Variants in FRMD5 observed in about 807,000 individuals in gnomAD.
FRMD5 encodes FERM domain containing 5, also known as FERM domain-containing protein 5.
FRMD5 carries 20 observed loss-of-function variants against 69.0 expected under a neutral mutation model. That is an observed-to-expected ratio of 0.29 (90% CI 0.20 to 0.42). The LOEUF is 0.42. FRMD5 is among the 10% of genes least tolerant of loss of function. FRMD5 has a pLI of 1.00. For missense variants in FRMD5, 595 were observed against 708.6 expected (o/e 0.84, Z 1.82); for synonymous variants, 271 against 260.1 (o/e 1.04, Z -0.40).
intron 2 of FRMD5, among the ~76,000 whole-genome samples, chr15:43,920,758 C>T (rs1181849426): frequency 1.3e-5 from 2 of 152,216 alleles, no homozygotes; most frequent in African/African-American, 4.8e-5. Context: ...GTGCCTAGCA[C>T]AGTGTTCAAT....
chr15:44,068,741 A>G (rs950154990), intron 1 of FRMD5, among the ~76,000 whole-genome samples: 4 of 152,214 alleles, frequency 2.6e-5, no homozygotes, highest in Admixed American at 2.6e-4. Context: ...AAACAGGCAA[A>G]TTTTATGACA....
chr15:44,080,693 A>G (rs953495909), intron 1 of FRMD5, among the ~76,000 whole-genome samples: 1 of 152,144 alleles, frequency 6.6e-6, no homozygotes, highest in East Asian at 1.9e-4. Context: ...AAAGGCAATG[A>G]AACACCTCAC....
At chr15:43,905,081 G>A (rs1470455520) in intron 6 of FRMD5, among the ~76,000 whole-genome samples, 1 of 151,114 alleles carries the variant, frequency 6.6e-6, no homozygotes, top group Non-Finnish European at 1.5e-5. Flanking sequence ...CTGTCACACT[G>A]TCACAGACTA....
chr15:44,116,593 A>C (rs1181425049), intron 1 of FRMD5, among the ~76,000 whole-genome samples: 1 of 152,170 alleles, frequency 6.6e-6, no homozygotes, highest in Non-Finnish European at 1.5e-5. Context: ...AAAGGGTTAA[A>C]CAAGGAACCG....
At chr15:43,939,910 G>A (rs2089832845) in intron 1 of FRMD5, among the ~76,000 whole-genome samples, 1 of 152,192 alleles carries the variant, frequency 6.6e-6, no homozygotes, top group Non-Finnish European at 1.5e-5. Context: ...CACCAGGCGC[G>A]GTGGCTCATG....
intron 1 of FRMD5, among the ~76,000 whole-genome samples, chr15:44,162,893 G>C (rs1448934712): frequency 7.3e-6 from 1 of 137,048 alleles, no homozygotes; most frequent in East Asian, 2.2e-4. Flanking sequence ...AAAAAAACAA[G>C]GCTGGGCGCG....
At chr15:44,198,146 C>CAAT (rs564213987), upstream of FRMD5, among the ~76,000 whole-genome samples, 1,450 of 150,942 alleles carry the variant, frequency 9.6e-3, 29 homozygotes, top group African/African-American at 0.033. Flanking sequence ...CCCATAGCTA[C>CAAT]AATAATAATA....
chr15:44,109,361 G>T (rs1274840384), intron 1 of FRMD5, among the ~76,000 whole-genome samples: 2 of 151,924 alleles, frequency 1.3e-5, no homozygotes, highest in Non-Finnish European at 2.9e-5. Context: ...ATAGAATTCT[G>T]GGTTGACAGA....
intron 1 of FRMD5, among the ~76,000 whole-genome samples, chr15:44,122,769 T>C (rs932427210): frequency 6.6e-6 from 1 of 151,884 alleles, no homozygotes; most frequent in Non-Finnish European, 1.5e-5. Flanking sequence ...CTAGGCGTGG[T>C]GGCGGGCACC....
intron 1 of FRMD5, among the ~76,000 whole-genome samples, chr15:43,981,461 T>C (rs1478048306): frequency 1.3e-5 from 2 of 152,188 alleles, no homozygotes; most frequent in Admixed American, 6.5e-5. Context: ...CTTACTGTCT[T>C]GGGAGTAGCA....
chr15:43,983,434 C>A (rs769819702), intron 1 of FRMD5, among the ~76,000 whole-genome samples: 7 of 152,018 alleles, frequency 4.6e-5, no homozygotes, highest in Non-Finnish European at 1.0e-4. Context: ...TTTTTTTCAG[C>A]CCTTGGACCA....
At position 43,873,273 on chromosome 15, in the gene FRMD5, C is replaced by T. The variant is rs1405875643; in HGVS notation, c.*612G>A. 2.3e-5 allele frequency: 36 copies of T among 1,539,590 alleles called. 1 individual carries two copies. The highest frequency in any genetic ancestry group is 2.7e-5 in the Non-Finnish European group (31 of 1,144,148). On this transcript the variant is annotated 3_prime_UTR_variant, in exon 14 of 14. Transcript: ENST00000417257. ...GAAAAGAAAATCCAACTCAGACCAT[C>T]ATAAGAAGCAACTTTCCATTTAATC...
At chr15:44,125,777 CA>C (rs908093035) in intron 1 of FRMD5, among the ~76,000 whole-genome samples, 3 of 152,276 alleles carry the variant, frequency 2.0e-5, no homozygotes, top group African/African-American at 7.2e-5. Context: ...TTTAATGTGT[CA>C]ATGATCACTG....
At chr15:44,018,758 A>G (rs1396595195) in intron 1 of FRMD5, among the ~76,000 whole-genome samples, 1 of 152,152 alleles carries the variant, frequency 6.6e-6, no homozygotes, top group Non-Finnish European at 1.5e-5. Context: ...GTAAATCCCA[A>G]GCCAGCACTG....
intron 1 of FRMD5, among the ~76,000 whole-genome samples, chr15:44,066,669 A>G (rs1015916565): frequency 1.3e-5 from 2 of 152,188 alleles, no homozygotes; most frequent in Non-Finnish European, 2.9e-5. Context: ...ATGAGTCATC[A>G]AAGTTTTTAG....
chr15:43,953,417 G>A (rs148859669), intron 1 of FRMD5, among the ~76,000 whole-genome samples: 1 of 152,264 alleles, frequency 6.6e-6, no homozygotes, highest in East Asian at 1.9e-4. Context: ...GCAGAATTAG[G>A]AAGCAAGCAT....
intron 7 of FRMD5, among the ~76,000 whole-genome samples, chr15:43,900,569 G>A (rs1404049849): frequency 2.0e-5 from 3 of 151,534 alleles, no homozygotes; most frequent in Admixed American, 6.6e-5. Context: ...CTCACCAAGG[G>A]ACCAAAGGAC....
At chr15:44,047,067 G>A (rs550117549) in intron 1 of FRMD5, among the ~76,000 whole-genome samples, 1 of 152,322 alleles carries the variant, frequency 6.6e-6, no homozygotes, top group South Asian at 2.1e-4. Context: ...AGCACTTCAG[G>A]AGGCTGAGGC....
intron 1 of FRMD5, among the ~76,000 whole-genome samples, chr15:44,186,610 G>T (rs1002609563): frequency 3.9e-5 from 6 of 152,214 alleles, no homozygotes; most frequent in Non-Finnish European, 7.3e-5. Context: ...CAGGTCTTGG[G>T]CCTGTGGGCC....
Sources: allele counts gnomAD v4.1 joint callset (sites outside exome capture counted in the v4.1 genomes callset), GRCh38; gene constraint gnomAD v4.1.1; transcripts MANE v1.5; gene names NCBI Gene and HGNC (gene_info 2026-07-23, HGNC 2026-07-21).